CACNA1E: variants seen among roughly 807,000 people sequenced by gnomAD.
CACNA1E encodes the protein voltage-dependent R-type calcium channel subunit alpha-1E.
Under a neutral mutation model 259.2 loss-of-function variants are expected in CACNA1E, and 40 were observed. That is an observed-to-expected ratio of 0.15 (90% CI 0.12 to 0.20). CACNA1E has a LOEUF of 0.20. Among genes scored for constraint, CACNA1E ranks in the 10% least tolerant of loss-of-function variants. CACNA1E has a pLI of 1.00. For missense variants in CACNA1E, 1,874 were observed against 3,040.1 expected (o/e 0.62, Z 9.02); for synonymous variants, 1,104 against 1,138.5 (o/e 0.97, Z 0.61).
intron 1 of CACNA1E, among the ~76,000 whole-genome samples, chr1:181,328,598 C>G (rs1477541994): frequency 6.6e-6 from 1 of 152,074 alleles, no homozygotes; most frequent in Admixed American, 6.5e-5. Flanking sequence ...TTTGTGTTAG[C>G]CTGGGTCCTC....
chr1:181,764,783 C>T (rs902910050), intron 34 of CACNA1E, among the ~76,000 whole-genome samples: 9 of 150,760 alleles, frequency 6.0e-5, no homozygotes, highest in African/African-American at 2.0e-4. Flanking sequence ...GCTTTTAAAA[C>T]CTTTTTTTTT....
At chr1:181,586,517 G>T (rs570637742) in intron 6 of CACNA1E, among the ~76,000 whole-genome samples, 1 of 152,310 alleles carries the variant, frequency 6.6e-6, no homozygotes, top group South Asian at 2.1e-4. Flanking sequence ...AGGAGCAGTA[G>T]GGAGGTGAGA....
upstream of CACNA1E, among the ~76,000 whole-genome samples, chr1:181,480,692 G>T (rs924024328): frequency 1.3e-5 from 2 of 152,210 alleles, no homozygotes; most frequent in Admixed American, 1.3e-4. Context: ...CATTGAGAAG[G>T]TATGCCGCCA....
intron 1 of CACNA1E, among the ~76,000 whole-genome samples, chr1:181,323,648 C>T (rs1339578143): frequency 6.6e-6 from 1 of 152,172 alleles, no homozygotes; most frequent in East Asian, 1.9e-4. Flanking sequence ...ATTTAAAAAG[C>T]TGTGAGGAAC....
Position 181,784,851 on chromosome 1 carries a change from A to C in CACNA1E, c.5578+83A>C, listed in dbSNP as rs1660725835. On this transcript the variant is annotated intron_variant, in intron 41 of 47. Transcript: ENST00000367573. Reference sequence around the variant, plus strand: ...TCTTTGGGGGGAACCCAGAGTGATCAAAGAGATAAGGAAAGTTTGCCCTTT... The same window carrying C: ...TCTTTGGGGGGAACCCAGAGTGATCCAAGAGATAAGGAAAGTTTGCCCTTT... 4 of 796,488 alleles carry C rather than the reference A, an allele frequency of 5.0e-6. No individual in the cohort carries two copies. The African/African-American group carries it at 7.0e-5, about 14-fold the overall frequency. 49.3% of individuals were successfully genotyped at this position (796,488 alleles called of 1,614,324 possible).
rs1157535061 is a variant in CACNA1E at position 181,651,630 on chromosome 1, T to C, written c.1055+189T>C. 5.7e-6 allele frequency: 3 copies of C among 524,794 alleles called. No homozygotes were observed. In the African/African-American group the frequency reaches 5.8e-5, roughly 10 times the overall value. 32.5% of individuals were successfully genotyped at this position (524,794 alleles called of 1,614,324 possible). On this transcript the variant is annotated intron_variant, in intron 7 of 47. Coordinates refer to ENST00000367573, the MANE Select transcript of CACNA1E (RefSeq NM_001205293.3). ...TGAACCATCATTCTAATAATCTTGA[T>C]TATTCTCAGGAATTAAAAAGTCTTG...
chr1:181,733,790 T>G, intron 21 of CACNA1E, 40 bp downstream of exon 21: 1 of 1,407,912 alleles, frequency 7.1e-7, no homozygotes, highest in Non-Finnish European at 9.4e-7. Context: ...CCCCAACTCC[T>G]ATCCCATCTG....
intron 7 of CACNA1E, among the ~76,000 whole-genome samples, chr1:181,666,654 C>G (rs1277409107): frequency 1.3e-5 from 2 of 151,540 alleles, no homozygotes; most frequent in African/African-American, 4.8e-5. Flanking sequence ...AAAATATATT[C>G]TAAAGCTACA....
intron 1 of CACNA1E, among the ~76,000 whole-genome samples, chr1:181,329,054 CA>C (rs1651019338): frequency 1.3e-5 from 2 of 151,536 alleles, no homozygotes; most frequent in South Asian, 4.2e-4. Context: ...TCTCTGCCTC[CA>C]AATCTGTTTT....
At chr1:181,739,411 GCGC>G in intron 25 of CACNA1E, 158 bp downstream of exon 25, 3 of 626,218 alleles carry the variant, frequency 4.8e-6, no homozygotes, top group Non-Finnish European at 8.6e-6. Context: ...GAGCTCCTGA[GCGC>G]CTTGCAGCTC....
intron 1 of CACNA1E, among the ~76,000 whole-genome samples, chr1:181,399,586 G>C (rs890482009): frequency 6.6e-6 from 1 of 152,214 alleles, no homozygotes; most frequent in Non-Finnish European, 1.5e-5. Flanking sequence ...CCCTGTCAAC[G>C]GAGGTGTTCA....
rs1653793966 is a variant in CACNA1E, at chr1:181,715,400, A to G, written c.1225+9A>G. The G allele has an allele frequency of 6.5e-7, 1 of 1,548,162 alleles. No individual in the cohort carries two copies. The highest frequency in any genetic ancestry group is 2.3e-5 in the East Asian group (1 of 44,392). The stretch of plus-strand genomic sequence containing the variant: ...AACATCCGCCTTAGAAGGTAAGGAA[A>G]TGTTCTGATGCCTTATTCCAGTTGC... On this transcript the variant is annotated intron_variant, in intron 9 of 47. Coordinates refer to ENST00000367573, the MANE Select transcript of CACNA1E (RefSeq NM_001205293.3).
chr1:181,348,281 A>T (rs758980674), intron 1 of CACNA1E, among the ~76,000 whole-genome samples: 1 of 152,004 alleles, frequency 6.6e-6, no homozygotes, highest in Non-Finnish European at 1.5e-5. Flanking sequence ...GCTGGTCAGC[A>T]TGCCCAAGGT....
At chr1:181,469,051 T>C (rs1662331032) in intron 2 of CACNA1E, among the ~76,000 whole-genome samples, 1 of 152,166 alleles carries the variant, frequency 6.6e-6, no homozygotes, top group African/African-American at 2.4e-5. Context: ...AAAAAATTTA[T>C]TAAAATTTTT....
chr1:181,623,587 C>T (rs1039119663), intron 6 of CACNA1E, among the ~76,000 whole-genome samples: 4 of 152,140 alleles, frequency 2.6e-5, no homozygotes, highest in African/African-American at 7.2e-5. Flanking sequence ...GGAGATATTG[C>T]AGGTTTGATT....
intron 3 of CACNA1E, among the ~76,000 whole-genome samples, chr1:181,560,476 C>G (rs565540533): frequency 1.3e-5 from 2 of 151,988 alleles, no homozygotes; most frequent in East Asian, 3.9e-4. Flanking sequence ...TGCTTTTCCT[C>G]TTAAGACTAT....
chr1:181,687,638 C>A (rs983389529), intron 7 of CACNA1E, among the ~76,000 whole-genome samples: 3 of 152,154 alleles, frequency 2.0e-5, no homozygotes, highest in Non-Finnish European at 2.9e-5. Context: ...TAAAAGGATA[C>A]AGCCAATGGA....
chr1:181,631,648 G>T (rs1656754520), intron 6 of CACNA1E, among the ~76,000 whole-genome samples: 1 of 152,156 alleles, frequency 6.6e-6, no homozygotes, highest in South Asian at 2.1e-4. Flanking sequence ...CCCCCTCAGT[G>T]GGATGGTGCT....
intron 2 of CACNA1E, among the ~76,000 whole-genome samples, chr1:181,453,229 G>A (rs1661268096): frequency 6.6e-6 from 1 of 152,146 alleles, no homozygotes; most frequent in Admixed American, 6.5e-5. Flanking sequence ...AAGGGCCCAG[G>A]GGCAAAGGAA....
Sources: allele counts gnomAD v4.1 joint callset (sites outside exome capture counted in the v4.1 genomes callset), GRCh38; gene constraint gnomAD v4.1.1; transcripts MANE v1.5; gene names NCBI Gene and HGNC (gene_info 2026-07-23, HGNC 2026-07-21).